WDPCP: variants seen among roughly 807,000 people sequenced by gnomAD.
The protein encoded by WDPCP is WD repeat-containing and planar cell polarity effector protein fritz homolog.
Under a neutral mutation model 93.1 loss-of-function variants are expected in WDPCP, and 71 were observed. The observed-to-expected ratio is 0.76, with a 90% CI of 0.63 to 0.93. The LOEUF is 0.93. WDPCP is among the 40% of genes least tolerant of loss of function. The pLI, the probability that WDPCP is intolerant of heterozygous loss-of-function variation, is 0.00. For synonymous variants in WDPCP, 315 were observed against 315.0 expected (o/e 1.00, Z 0.00); for missense variants, 844 against 887.4 (o/e 0.95, Z 0.62).
At chr2:63,837,379 T>G in the WDPCP span, among the ~76,000 whole-genome samples, 1 of 152,212 alleles carries the variant, frequency 6.6e-6, no homozygotes, top group Non-Finnish European at 1.5e-5. Context: ...CTCTCTCATG[T>G]GGGTGGCCTA....
intron 1 of WDPCP, among the ~76,000 whole-genome samples, chr2:63,579,727 G>A (rs182679550): frequency 1.5e-4 from 22 of 151,368 alleles, no homozygotes; most frequent in Non-Finnish European, 2.5e-4. Flanking sequence ...AAATGGAGTA[G>A]ATAGATTAGA....
At chr2:63,766,726 A>G (rs1020329579) in intron 2 of WDPCP, among the ~76,000 whole-genome samples, 1 of 152,018 alleles carries the variant, frequency 6.6e-6, no homozygotes, top group East Asian at 1.9e-4. Context: ...CTCTCAAAAG[A>G]CTCTTCTTAT....
chr2:63,788,733 C>T (rs1429585011), intron 2 of WDPCP, among the ~76,000 whole-genome samples: 1 of 152,152 alleles, frequency 6.6e-6, no homozygotes, highest in Non-Finnish European at 1.5e-5. Context: ...ACCAATTCTG[C>T]AAATGGTTTT....
chr2:63,229,403 A>G (rs1159897238), intron 14 of WDPCP: 6 of 152,028 alleles, frequency 3.9e-5, no homozygotes, highest in Admixed American at 1.3e-4. Context: ...CTCTGATGGT[A>G]GTTTCTTTTG....
intron 6 of WDPCP, among the ~76,000 whole-genome samples, chr2:63,458,212 C>A: frequency 7.4e-6 from 1 of 135,246 alleles, no homozygotes. Flanking sequence ...AAGTCCTAGA[C>A]AGAGCAGTCA....
intron 2 of WDPCP, among the ~76,000 whole-genome samples, chr2:63,740,800 T>G (rs959557213): frequency 6.6e-6 from 1 of 152,132 alleles, no homozygotes; most frequent in Admixed American, 6.6e-5. Context: ...ACAAGGTAAT[T>G]TGTCCATTTG....
chr2:63,804,353 G>A (rs1670734110), intron 2 of WDPCP, among the ~76,000 whole-genome samples: 1 of 150,770 alleles, frequency 6.6e-6, no homozygotes, highest in South Asian at 2.1e-4. Context: ...CCGGGTTCAC[G>A]CCATTCTCCT....
chr2:63,605,594 A>G (rs1709512684), intron 3 of WDPCP, among the ~76,000 whole-genome samples: 1 of 152,212 alleles, frequency 6.6e-6, no homozygotes, highest in Non-Finnish European at 1.5e-5. Context: ...CATTACTATT[A>G]TACACAGGGT....
intron 13 of WDPCP, 75 bp from the exon 14 acceptor site, chr2:63,259,484 A>AACTT (rs1681432212): frequency 1.8e-6 from 2 of 1,129,036 alleles, no homozygotes; most frequent in Non-Finnish European, 2.7e-6. Flanking sequence ...TTTTGAAGGA[A>AACTT]ACTTATTGTC....
intron 14 of WDPCP, among the ~76,000 whole-genome samples, chr2:63,178,340 G>T (rs894271782): frequency 7.2e-5 from 11 of 152,072 alleles, no homozygotes; most frequent in Non-Finnish European, 1.6e-4. Flanking sequence ...GAGGTCTTGG[G>T]CTTTTCTTTG....
chr2:63,801,206 A>G (rs1354725136), intron 2 of WDPCP, among the ~76,000 whole-genome samples: 1 of 152,224 alleles, frequency 6.6e-6, no homozygotes, highest in Non-Finnish European at 1.5e-5. Context: ...GGCAGGAATC[A>G]TATGAAGGTT....
chr2:63,598,029 T>A (rs947644666), intron 3 of WDPCP: 2 of 152,338 alleles, frequency 1.3e-5, no homozygotes, highest in African/African-American at 4.8e-5. Context: ...TCTTGAAGAA[T>A]TGAGTCAGTA....
chr2:63,722,391 G>A (rs1259676768), intron 2 of WDPCP, among the ~76,000 whole-genome samples: 2 of 150,190 alleles, frequency 1.3e-5, no homozygotes, highest in Non-Finnish European at 3.0e-5. Context: ...GCCCCGTCTG[G>A]GATGTGAGGA....
chr2:63,481,901 A>T (rs1309134319), intron 6 of WDPCP, among the ~76,000 whole-genome samples: 1 of 152,020 alleles, frequency 6.6e-6, no homozygotes, highest in Non-Finnish European at 1.5e-5. Context: ...AATAAAAAAC[A>T]AAAATAAAAT....
At chr2:63,775,988 C>T (rs1284444268) in intron 2 of WDPCP, among the ~76,000 whole-genome samples, 2 of 151,890 alleles carry the variant, frequency 1.3e-5, no homozygotes, top group South Asian at 4.1e-4. Flanking sequence ...TGCTTGAGCC[C>T]AAGAGTTTGA....
At chr2:63,364,536 G>C (rs1690742116) in intron 12 of WDPCP, among the ~76,000 whole-genome samples, 1 of 152,088 alleles carries the variant, frequency 6.6e-6, no homozygotes, top group Non-Finnish European at 1.5e-5. Context: ...TTCCCTGCCT[G>C]TCACCTGTCC....
At chr2:63,649,276 A>G (rs1235521101) in intron 3 of WDPCP, among the ~76,000 whole-genome samples, 2 of 152,176 alleles carry the variant, frequency 1.3e-5, no homozygotes, top group South Asian at 2.1e-4. Context: ...CATTTCATGG[A>G]CATTTCATTT....
chr2:63,394,287 C>A (rs1218551385), intron 10 of WDPCP, among the ~76,000 whole-genome samples: 1 of 151,924 alleles, frequency 6.6e-6, no homozygotes, highest in Non-Finnish European at 1.5e-5. Context: ...TGAAAAAATG[C>A]TCAACATCAC....
chr2:63,347,854 C>T (rs1011647804), intron 12 of WDPCP, among the ~76,000 whole-genome samples: 1 of 149,906 alleles, frequency 6.7e-6, no homozygotes, highest in Non-Finnish European at 1.5e-5. Context: ...GGGACCTAAA[C>T]TTCTGTCATT....
Sources: allele counts gnomAD v4.1 joint callset (sites outside exome capture counted in the v4.1 genomes callset), GRCh38; gene constraint gnomAD v4.1.1; transcripts MANE v1.5; gene names NCBI Gene and HGNC (gene_info 2026-07-23, HGNC 2026-07-21).